MICU2: variants seen among roughly 807,000 people sequenced by gnomAD.
MICU2 encodes mitochondrial calcium uptake 2.
Under a neutral mutation model 60.4 loss-of-function variants are expected in MICU2, and 64 were observed. The ratio of observed to expected loss-of-function variants is 1.06; its 90% CI spans 0.87 to 1.31. The LOEUF is 1.31. Among genes scored for constraint, MICU2 ranks in the 50% most tolerant of loss-of-function variants. The pLI is 0.00. For missense variants in MICU2, 569 were observed against 531.0 expected, an observed-to-expected ratio of 1.07 and a Z score of -0.70; for synonymous variants, 201 against 175.0, an observed-to-expected ratio of 1.15 and a Z score of -1.17.
At chr13:21,543,994 T>C (rs1465045451) in intron 2 of MICU2, among the ~76,000 whole-genome samples, 1 of 151,858 alleles carries the variant, frequency 6.6e-6, no homozygotes, top group East Asian at 1.9e-4. Flanking sequence ...ACAGAGAACC[T>C]AGAAATACAT....
chr13:21,538,576 A>AAAAC (rs1887194949), intron 4 of MICU2, among the ~76,000 whole-genome samples: 2 of 151,100 alleles, frequency 1.3e-5, no homozygotes, highest in Non-Finnish European at 3.0e-5. Flanking sequence ...AAAAAAAAAA[A>AAAAC]AAAACCCCAA....
intron 4 of MICU2, among the ~76,000 whole-genome samples, chr13:21,533,080 C>T (rs1377105412): frequency 6.6e-6 from 1 of 151,966 alleles, no homozygotes; most frequent in African/African-American, 2.4e-5. Context: ...CAGAATAGAT[C>T]TATAAAGATA....
chr13:21,531,018 A>G, intron 4 of MICU2: 1 of 834,498 alleles, frequency 1.2e-6, no homozygotes, highest in South Asian at 1.3e-5. Context: ...AAGTGCCTGC[A>G]ACTATTTGAA....
intron 1 of MICU2, among the ~76,000 whole-genome samples, chr13:21,588,065 G>A (rs11840798): frequency 0.016 from 2,420 of 152,182 alleles, 44 homozygotes; most frequent in African/African-American, 0.047. Context: ...CTTGCCCCCC[G>A]ATGTAGAGCT....
rs1349302554 is a variant in MICU2, at chr13:21,566,820, G to A, written c.335C>T (p.Ser112Leu). ...ACGTTCCATTTGCTCAAACATCACT[G>A]AGAAGAGGAAGTCTCGTGGTGTCAT... ...YYMTPRDFLFSVMFEQMERKT... is the reference protein window; with the variant it reads ...YYMTPRDFLFLVMFEQMERKT... Residue 112 changes from serine to leucine, a missense_variant, in exon 2 of 12, where the codon TCA becomes TTA. Transcript: ENST00000382374. 2.5e-6 allele frequency: 4 copies of A among 1,597,740 alleles called. No individual in the cohort carries two copies. Among genetic ancestry groups the A allele is most frequent in the Admixed American group, 3.5e-5 (2 of 57,120 alleles).
At chr13:21,529,884 T>C (rs1472401213) in intron 4 of MICU2, among the ~76,000 whole-genome samples, 1 of 152,102 alleles carries the variant, frequency 6.6e-6, no homozygotes, top group Non-Finnish European at 1.5e-5. Context: ...ACAGTAGATG[T>C]GTTGGAGGGA....
chr13:21,601,670 G>A (rs1309057314), intron 1 of MICU2, among the ~76,000 whole-genome samples: 1 of 152,014 alleles, frequency 6.6e-6, no homozygotes, highest in Non-Finnish European at 1.5e-5. Flanking sequence ...GTGAAATCAA[G>A]AGTCTACAAA....
intron 11 of MICU2, among the ~76,000 whole-genome samples, chr13:21,493,911 G>C (rs1376397575): frequency 6.6e-6 from 1 of 152,126 alleles, no homozygotes; most frequent in Non-Finnish European, 1.5e-5. Flanking sequence ...AAAGGTAAAG[G>C]TTAGGAAATA....
chr13:21,596,583 C>G (rs1043074347), intron 1 of MICU2, among the ~76,000 whole-genome samples: 1 of 152,046 alleles, frequency 6.6e-6, no homozygotes, highest in African/African-American at 2.4e-5. Flanking sequence ...ACCACCATGC[C>G]TGGCTAATTT....
At chr13:21,550,261 G>C (rs564742714) in intron 2 of MICU2, among the ~76,000 whole-genome samples, 65 of 152,300 alleles carry the variant, frequency 4.3e-4, no homozygotes, top group Non-Finnish European at 7.5e-4. Flanking sequence ...CTTACTGCCA[G>C]GTATGGTGGC....
rs561411921 is a variant in MICU2, at chr13:21,557,127, A to G, written c.358+9670T>C. Among the ~76,000 whole-genome samples, 5 of 152,294 alleles carry G rather than the reference A, an allele frequency of 3.3e-5. No homozygotes were observed. In the East Asian group the frequency reaches 9.7e-4, roughly 29 times the overall value. On this transcript the variant is annotated intron_variant, in intron 2 of 11. Coordinates refer to ENST00000382374, the MANE Select transcript of MICU2 (RefSeq NM_152726.3). Reference sequence around the variant, plus strand: ...TAGTTGAGACTAGAAGCTTTTATTAAATCTGAGAATAGGTGCATTGGGTAT... The same window carrying G: ...TAGTTGAGACTAGAAGCTTTTATTAGATCTGAGAATAGGTGCATTGGGTAT...
intron 10 of MICU2, 183 bp from the exon 11 acceptor site, chr13:21,495,501 T>A: frequency 1.8e-6 from 1 of 555,956 alleles, no homozygotes; most frequent in African/African-American, 1.9e-5. Context: ...GTCATGAGAG[T>A]CACTGCAAGA....
intron 9 of MICU2, among the ~76,000 whole-genome samples, chr13:21,498,512 A>G (rs1420959536): frequency 4.7e-5 from 7 of 150,508 alleles, no homozygotes; most frequent in African/African-American, 1.5e-4. Flanking sequence ...CTGAGTAGCT[A>G]GGACTGCAGG....
At chr13:21,541,704 T>C (rs1887286877) in intron 2 of MICU2, among the ~76,000 whole-genome samples, 1 of 152,164 alleles carries the variant, frequency 6.6e-6, no homozygotes, top group Non-Finnish European at 1.5e-5. Flanking sequence ...AAACAGGTGT[T>C]AGACTCTTTG....
At chr13:21,535,947 AG>A (rs1289923147) in intron 4 of MICU2, among the ~76,000 whole-genome samples, 1 of 152,220 alleles carries the variant, frequency 6.6e-6, no homozygotes, top group Non-Finnish European at 1.5e-5. Flanking sequence ...TCATAAAACT[AG>A]GAAAAATTTG....
At chr13:21,536,344 T>G (rs2137994966) in intron 4 of MICU2, among the ~76,000 whole-genome samples, 1 of 152,282 alleles carries the variant, frequency 6.6e-6, no homozygotes, top group African/African-American at 2.4e-5. Context: ...CTAAATTTTT[T>G]TTTTTTTGAG....
At chr13:21,525,574 T>C (rs978254485) in intron 4 of MICU2, among the ~76,000 whole-genome samples, 9 of 151,638 alleles carry the variant, frequency 5.9e-5, no homozygotes, top group Non-Finnish European at 1.2e-4. Flanking sequence ...TTTCTCCACA[T>C]CCTCAACGCT....
At chr13:21,570,487 T>C (rs137891302) in intron 1 of MICU2, among the ~76,000 whole-genome samples, 191 of 152,326 alleles carry the variant, frequency 1.3e-3, no homozygotes, top group African/African-American at 4.5e-3. Context: ...TTGATAGATT[T>C]AATGGTCAAG....
intron 1 of MICU2, among the ~76,000 whole-genome samples, chr13:21,588,813 A>G (rs1303727597): frequency 2.0e-5 from 3 of 152,230 alleles, no homozygotes; most frequent in Non-Finnish European, 2.9e-5. Context: ...TTCGACTCTC[A>G]GGTCTGTTTA....
Sources: allele counts gnomAD v4.1 joint callset (sites outside exome capture counted in the v4.1 genomes callset), GRCh38; gene constraint gnomAD v4.1.1; transcripts MANE v1.5; gene names NCBI Gene and HGNC (gene_info 2026-07-23, HGNC 2026-07-21).